Variants in PLCL1 observed in about 807,000 individuals in gnomAD.
PLCL1 encodes the protein inactive phospholipase C-like protein 1.
PLCL1 carries 41 observed loss-of-function variants against 84.4 expected under a neutral mutation model. The ratio of observed to expected loss-of-function variants is 0.49; its 90% CI spans 0.38 to 0.63. The LOEUF (loss-of-function observed/expected upper bound fraction) is 0.63. Ranked by LOEUF, PLCL1 falls within the 30% of genes least tolerant of loss-of-function variation. The pLI is 0.00. For missense variants in PLCL1, 1,206 were observed against 1,367.8 expected, an observed-to-expected ratio of 0.88 and a Z score of 1.87; for synonymous variants, 490 against 488.3, an observed-to-expected ratio of 1.00 and a Z score of -0.05.
intron 1 of PLCL1, among the ~76,000 whole-genome samples, chr2:198,050,832 A>G (rs1691908995): frequency 6.6e-6 from 1 of 152,320 alleles, no homozygotes; most frequent in African/African-American, 2.4e-5. Context: ...CATATCCAAA[A>G]GAACATCTGG....
At chr2:197,932,190 G>GGCTA (rs1446021868) in intron 1 of PLCL1, among the ~76,000 whole-genome samples, 1 of 152,064 alleles carries the variant, frequency 6.6e-6, no homozygotes, top group African/African-American at 2.4e-5. Flanking sequence ...GATGAGATGT[G>GGCTA]GCTAGTTTCA....
intron 1 of PLCL1, among the ~76,000 whole-genome samples, chr2:198,065,581 A>G (rs1474031878): frequency 6.6e-6 from 1 of 152,172 alleles, no homozygotes; most frequent in Non-Finnish European, 1.5e-5. Context: ...GTTTGGCCTT[A>G]TGGAAGGATG....
chr2:197,975,838 G>A (rs573085631), intron 1 of PLCL1, among the ~76,000 whole-genome samples: 2 of 151,742 alleles, frequency 1.3e-5, no homozygotes, highest in East Asian at 1.9e-4. Context: ...CAACAACAAC[G>A]ACAACAGAAA....
intron 5 of PLCL1, among the ~76,000 whole-genome samples, chr2:198,111,549 G>A (rs1159003623): frequency 6.6e-6 from 1 of 151,868 alleles, no homozygotes; most frequent in East Asian, 1.9e-4. Context: ...TGCTATATGA[G>A]TGTTTGTTAT....
intron 1 of PLCL1, among the ~76,000 whole-genome samples, chr2:198,031,200 G>A (rs2105849284): frequency 7.6e-6 from 1 of 131,374 alleles, no homozygotes; most frequent in African/African-American, 2.9e-5. Flanking sequence ...GTGAGACCTT[G>A]TCTCTACAAA....
At chr2:198,016,832 A>G (rs1691010627) in intron 1 of PLCL1, among the ~76,000 whole-genome samples, 1 of 152,158 alleles carries the variant, frequency 6.6e-6, no homozygotes, top group Admixed American at 6.6e-5. Context: ...GACATGAAAC[A>G]TTTTATGCTT....
intron 1 of PLCL1, among the ~76,000 whole-genome samples, chr2:197,960,880 A>G (rs1689606969): frequency 1.3e-5 from 2 of 152,116 alleles, no homozygotes; most frequent in Non-Finnish European, 2.9e-5. Context: ...TGGTTTCTCT[A>G]GAAGTCATCC....
At chr2:197,864,970 C>T (rs1436065901) in intron 1 of PLCL1, among the ~76,000 whole-genome samples, 1 of 152,044 alleles carries the variant, frequency 6.6e-6, no homozygotes, top group African/African-American at 2.4e-5. Context: ...TATATTAAAC[C>T]CTTTTATTTA....
At chr2:198,028,719 T>C (rs1185848965) in intron 1 of PLCL1, among the ~76,000 whole-genome samples, 1 of 152,192 alleles carries the variant, frequency 6.6e-6, no homozygotes, top group Admixed American at 6.5e-5. Context: ...TTGCCTGCTT[T>C]CTCACCAAGT....
rs376395743 is a variant in PLCL1 at position 197,938,695 on chromosome 2, A to G, written c.240+133356A>G. 7.4e-4 allele frequency among the ~76,000 whole-genome samples: 113 copies of G among 152,308 alleles called. 3 individuals carry two copies. The South Asian group carries it at 0.023, about 31-fold the overall frequency. On this transcript the variant is annotated intron_variant, in intron 1 of 5. Transcript: ENST00000428675. ...ATACCTGGAAGCTTGGAGAGTTTAT[A>G]TAACTTCCTGAAGGTCACACAGCTG...
Position 198,148,571 on chromosome 2 carries a change from T to G in PLCL1, c.*1609T>G, listed in dbSNP as rs1694580660. 1 of 152,338 alleles carries G rather than the reference T, an allele frequency of 6.6e-6. No individual in the cohort carries two copies. Among genetic ancestry groups the G allele is most frequent in the Admixed American group, 6.5e-5 (1 of 15,280 alleles). The allele number at this position is 152,338 out of a possible 1,614,324, so 9.4% of individuals were successfully genotyped here. On this transcript the variant is annotated 3_prime_UTR_variant, in exon 6 of 6. Coordinates refer to ENST00000428675, the MANE Select transcript of PLCL1 (RefSeq NM_006226.4). ...CGAGGAGGAGGTACCTGAAGTCATTTGAAGGCAAGTTTCCAATGATGCTAC... is the reference window on the plus strand; with the variant it reads ...CGAGGAGGAGGTACCTGAAGTCATTGGAAGGCAAGTTTCCAATGATGCTAC...
At chr2:197,945,034 T>G (rs1689243650) in intron 1 of PLCL1, among the ~76,000 whole-genome samples, 1 of 152,232 alleles carries the variant, frequency 6.6e-6, no homozygotes. Flanking sequence ...ATAAAAACTA[T>G]AGAGTTGTAC....
At chr2:198,120,033 C>T (rs1051917237) in intron 5 of PLCL1, among the ~76,000 whole-genome samples, 50 of 152,014 alleles carry the variant, frequency 3.3e-4, no homozygotes, top group Admixed American at 5.2e-4. Context: ...TTGTGTCCAA[C>T]GTCACCATTG....
At chr2:197,902,517 A>G (rs959091826) in intron 1 of PLCL1, among the ~76,000 whole-genome samples, 6 of 152,170 alleles carry the variant, frequency 3.9e-5, no homozygotes, top group Non-Finnish European at 8.8e-5. Context: ...TATACAGGAA[A>G]AAGTTTGAGG....
intron 3 of PLCL1, among the ~76,000 whole-genome samples, chr2:198,095,164 G>T (rs1223444852): frequency 6.6e-6 from 1 of 152,154 alleles, no homozygotes; most frequent in Admixed American, 6.5e-5. Context: ...TGTCCCTGGA[G>T]CTTAATTTGA....
intron 1 of PLCL1, among the ~76,000 whole-genome samples, chr2:197,946,508 A>T (rs1689274304): frequency 8.5e-6 from 1 of 117,396 alleles, no homozygotes. Context: ...TAAAGAAATT[A>T]AAAACAATTT....
At chr2:198,021,861 T>C (rs550792702) in intron 1 of PLCL1, among the ~76,000 whole-genome samples, 3 of 152,168 alleles carry the variant, frequency 2.0e-5, no homozygotes, top group East Asian at 1.9e-4. Context: ...TTCAAAACAA[T>C]AGAAAAAGAC....
At chr2:198,033,058 T>G (rs1308828228) in intron 1 of PLCL1, among the ~76,000 whole-genome samples, 2 of 152,194 alleles carry the variant, frequency 1.3e-5, no homozygotes, top group Admixed American at 1.3e-4. Context: ...TCTCAGCTTC[T>G]GAATGAAGTT....
chr2:198,070,469 T>C (rs958917535), intron 1 of PLCL1, among the ~76,000 whole-genome samples: 1 of 152,022 alleles, frequency 6.6e-6, no homozygotes, highest in African/African-American at 2.4e-5. Context: ...CCAGATACAT[T>C]ATAAAACTGA....
Sources: gnomAD v4.1 joint callset for allele counts (sites outside exome capture counted in the v4.1 genomes callset) on GRCh38, gnomAD v4.1.1 for gene constraint, MANE v1.5 for transcripts, NCBI Gene and HGNC (gene_info 2026-07-23, HGNC 2026-07-21) for gene names.